TARBP1: variants seen among roughly 807,000 people sequenced by gnomAD.
TARBP1 encodes the protein tRNA guanosine 2 -O-methyltransferase TARBP1, also known as tRNA (guanosine(18)-2'-O)-methyltransferase TARBP1.
A neutral mutation model predicts 178.6 loss-of-function variants in TARBP1; 144 were observed. The ratio of observed to expected loss-of-function variants is 0.81; its 90% CI spans 0.70 to 0.93. The LOEUF is 0.93. Among genes scored for constraint, TARBP1 ranks in the 40% least tolerant of loss-of-function variants. The pLI is 0.00. For synonymous variants in TARBP1, 787 were observed against 781.0 expected, an observed-to-expected ratio of 1.01 and a Z score of -0.13; for missense variants, 2,067 against 2,011.7, an observed-to-expected ratio of 1.03 and a Z score of -0.53.
At chr1:234,447,151 C>A (rs16843189) in intron 11 of TARBP1, among the ~76,000 whole-genome samples, 176 bp from the exon 12 acceptor site, 1 of 151,770 alleles carries the variant, frequency 6.6e-6, no homozygotes, top group Admixed American at 6.6e-5. Context: ...CGTGCTTTCC[C>A]GTGAGGGTGG....
Position 234,478,891 on chromosome 1 carries a change from T to G in TARBP1, c.213A>C (p.Pro71=), listed in dbSNP as rs776058799. Residue 71 remains proline (P), a synonymous_variant, in exon 1 of 30, where the codon CCA becomes CCC. Coordinates refer to ENST00000040877, the MANE Select transcript of TARBP1 (RefSeq NM_005646.4). ...AREVAAGYLV[P]LLRSLRGRPA... ...GGCGTCCGCGCAGGCTCCGCAGCAG[T>G]GGCACGAGGTACCCTGCAGCCACCT... The G allele has an allele frequency of 4.6e-5, 63 of 1,366,518 alleles. 2 individuals are homozygous for G. In the South Asian group the frequency reaches 9.7e-4, roughly 21 times the overall value. The allele number at this position is 1,366,518 out of a possible 1,614,324, so 84.6% of individuals were successfully genotyped here.
intron 23 of TARBP1, among the ~76,000 whole-genome samples, chr1:234,408,738 C>T (rs1016440434): frequency 1.3e-5 from 2 of 152,164 alleles, no homozygotes; most frequent in East Asian, 3.9e-4. Context: ...CCTTGACTCA[C>T]TGGCCTTCCC....
At chr1:234,426,706 A>G (rs1446958955) in intron 19 of TARBP1, among the ~76,000 whole-genome samples, 1 of 152,226 alleles carries the variant, frequency 6.6e-6, no homozygotes, top group Admixed American at 6.5e-5. Flanking sequence ...AACTTGAAAA[A>G]AAGCTATTTG....
At chr1:234,469,076 T>TAAAAAAAAA (rs1558255953) in intron 3 of TARBP1, among the ~76,000 whole-genome samples, 4 of 12,276 alleles carry the variant, frequency 3.3e-4, no homozygotes, top group East Asian at 0.045. Context: ...TTTTTTTTTT[T>TAAAAAAAAA]TAAAAAAAAA....
chr1:234,422,508 C>T (rs1663220694), intron 20 of TARBP1, among the ~76,000 whole-genome samples: 1 of 151,804 alleles, frequency 6.6e-6, no homozygotes, highest in African/African-American at 2.4e-5. Context: ...CTCATGTTTT[C>T]ACTTATTTGT....
At chr1:234,444,488 T>A (rs1209983933) in intron 12 of TARBP1, among the ~76,000 whole-genome samples, 1 of 152,180 alleles carries the variant, frequency 6.6e-6, no homozygotes, top group African/African-American at 2.4e-5. Context: ...GTATTGCACA[T>A]CACAGGCTGG....
chr1:234,429,783 T>C (rs953043408), intron 15 of TARBP1, 106 bp from the exon 16 acceptor site: 18 of 1,227,340 alleles, frequency 1.5e-5, no homozygotes, highest in Admixed American at 2.4e-5. Context: ...GGGGGCAGTG[T>C]ACAGATATAA....
rs1426049598 is a variant in TARBP1 at position 234,472,786 on chromosome 1, C to G, written c.957G>C (p.Glu319Asp). The part of the protein sequence containing the change: ...GNGPSLFWWS[E>D]RKKDELLKFW... ...ACTTTAGAAGCTCATCTTTTTTCCTCTCAGACCACCAAAACAGACTTGGGC... is the reference window on the plus strand; with the variant it reads ...ACTTTAGAAGCTCATCTTTTTTCCTGTCAGACCACCAAAACAGACTTGGGC... The change falls in exon 2 of 30, where the codon GAG becomes GAC. Residue 319 changes from glutamate to aspartate, a missense_variant. Transcript: ENST00000040877. 4 of 1,601,356 alleles carry G rather than the reference C, an allele frequency of 2.5e-6. No homozygotes were observed. In the African/African-American group the frequency reaches 5.4e-5, roughly 22 times the overall value.
Position 234,465,699 on chromosome 1 carries a change from CAAT to C in TARBP1, c.1255_1257del (p.Ile419del). 1 of 1,491,348 alleles carries C rather than the reference CAAT, an allele frequency of 6.7e-7. No individual in the cohort carries two copies. Among genetic ancestry groups the C allele is most frequent in the Non-Finnish European group, 8.9e-7 (1 of 1,118,074 alleles). The allele number at this position is 1,491,348 out of a possible 1,614,324, so 92.4% of individuals were successfully genotyped here. On this transcript the variant is annotated inframe_deletion, in exon 5 of 30. Coordinates refer to ENST00000040877, the MANE Select transcript of TARBP1 (RefSeq NM_005646.4). ...TCTGAAAGCGCATCCATTAATGGTC[CAAT>C]AATAAACTAAAAAAAAAAAAAAAAA...
chr1:234,448,825 AGT>A (rs1666446481), intron 10 of TARBP1, among the ~76,000 whole-genome samples: 1 of 152,182 alleles, frequency 6.6e-6, no homozygotes, highest in Admixed American at 6.5e-5. Flanking sequence ...CTGCAGACCC[AGT>A]GTTTCCTGTG....
At chr1:234,394,021 T>A (rs1416815695) in intron 26 of TARBP1, among the ~76,000 whole-genome samples, 184 bp from the exon 27 acceptor site, 1 of 152,356 alleles carries the variant, frequency 6.6e-6, no homozygotes, top group East Asian at 1.9e-4. Flanking sequence ...CCATTTGTAG[T>A]AGTAACTTTA....
intron 9 of TARBP1, 73 bp downstream of exon 9, chr1:234,457,594 C>G (rs1027064991): frequency 1.1e-6 from 1 of 919,004 alleles, no homozygotes; most frequent in Non-Finnish European, 1.6e-6. Flanking sequence ...ATATAAATGG[C>G]TACTAAGAAA....
chr1:234,406,191 A>G (rs1021048561), intron 23 of TARBP1, 92 bp from the exon 24 acceptor site: 3 of 1,176,964 alleles, frequency 2.5e-6, no homozygotes, highest in Admixed American at 2.3e-5. Context: ...GAATGATACA[A>G]CTGCTCCTAG....
Position 234,398,859 on chromosome 1 carries a change from T to C in TARBP1, c.4072-306A>G, listed in dbSNP as rs919791011. ...GTGTTTCAGAAGTAATCAGTTCTAA[T>C]GATGGACAGTATTTGGATAAGTGCA... On this transcript the variant is annotated intron_variant, in intron 25 of 29. Transcript: ENST00000040877. Among the ~76,000 whole-genome samples the C allele has an allele frequency of 2.6e-5, 4 of 152,300 alleles. No individual in the cohort carries two copies. In the South Asian group the frequency reaches 8.3e-4, roughly 32 times the overall value.
At position 234,435,295 on chromosome 1, in the gene TARBP1, CAAAAATACAAAAATCTACT is replaced by C. The variant is rs1222850659; in HGVS notation, c.2233-1743_2233-1725del. On this transcript the variant is annotated intron_variant, in intron 13 of 29. Transcript: ENST00000040877. ...TGAAACTCCGTCTCTACTAAAAATA[CAAAAATACAAAAATCTACT>C]AAAAATACAAAAATACAAAAATATT... Among the ~76,000 whole-genome samples, 416 of 151,806 alleles carry C rather than the reference CAAAAATACAAAAATCTACT, an allele frequency of 2.7e-3. 1 individual carries two copies. Among genetic ancestry groups the C allele is most frequent in the South Asian group, 5.0e-3 (24 of 4,794 alleles).
chr1:234,423,689 A>G (rs1420384484), intron 20 of TARBP1, among the ~76,000 whole-genome samples: 1 of 151,178 alleles, frequency 6.6e-6, no homozygotes, highest in Non-Finnish European at 1.5e-5. Flanking sequence ...TAATTCATCC[A>G]GAGCTCAGCC....
intron 19 of TARBP1, 104 bp downstream of exon 19, chr1:234,427,213 T>C: frequency 1.4e-6 from 1 of 721,506 alleles, no homozygotes; most frequent in Non-Finnish European, 2.3e-6. Flanking sequence ...ATTAATATAT[T>C]AGATGTCACT....
intron 12 of TARBP1, among the ~76,000 whole-genome samples, chr1:234,446,132 T>C (rs1347763228): frequency 6.6e-6 from 1 of 152,230 alleles, no homozygotes; most frequent in Non-Finnish European, 1.5e-5. Flanking sequence ...AATGCTCCTC[T>C]AGAATTTTTA....
chr1:234,467,408 C>G (rs1668559124), intron 4 of TARBP1, 94 bp downstream of exon 4: 3 of 1,226,802 alleles, frequency 2.4e-6, no homozygotes, highest in Non-Finnish European at 3.3e-6. Context: ...GGATGCAAAT[C>G]TCCAAAATGT....
Sources: allele counts gnomAD v4.1 joint callset (sites outside exome capture counted in the v4.1 genomes callset), GRCh38; gene constraint gnomAD v4.1.1; transcripts MANE v1.5; gene names NCBI Gene and HGNC (gene_info 2026-07-23, HGNC 2026-07-21).